The following KCNC1 variants were observed in gnomAD, a reference collection of about 807,000 sequenced individuals.
KCNC1 encodes potassium voltage-gated channel subfamily C member 1, also known as voltage-gated potassium channel KCNC1.
In KCNC1, 8 loss-of-function variants were observed where a neutral mutation model predicts 43.4. The observed-to-expected ratio is 0.18, with a 90% CI of 0.11 to 0.33. KCNC1 has a LOEUF of 0.33. Among genes scored for constraint, KCNC1 ranks in the 10% least tolerant of loss-of-function variants. KCNC1 has a pLI of 1.00. For synonymous variants in KCNC1, 361 were observed against 360.5 expected (o/e 1.00, Z -0.01); for missense variants, 420 against 836.0 (o/e 0.50, Z 6.14).
intron 1 of KCNC1, among the ~76,000 whole-genome samples, chr11:17,752,097 G>A (rs1045758882): frequency 6.6e-6 from 1 of 152,170 alleles, no homozygotes; most frequent in Non-Finnish European, 1.5e-5. Flanking sequence ...GAACTCCAAG[G>A]CTTTAGTTCT....
intron 1 of KCNC1, among the ~76,000 whole-genome samples, chr11:17,767,542 T>G (rs920540805): frequency 1.3e-5 from 2 of 152,178 alleles, no homozygotes; most frequent in African/African-American, 4.8e-5. Context: ...ACAAGGGACC[T>G]GGGGCTTCGT....
chr11:17,737,265 CCTT>C (rs1377810370), intron 1 of KCNC1, among the ~76,000 whole-genome samples: 2 of 152,092 alleles, frequency 1.3e-5, no homozygotes, highest in Non-Finnish European at 2.9e-5. Flanking sequence ...CACAGCCTGT[CCTT>C]CCTCCTTGTC....
rs1849326294 is a variant in KCNC1, at chr11:17,779,736, GGGCA to G, written c.1693+101_1693+104del. ...CAGGGCGGCGGGCAAGGGCGCTGAG[GGGCA>G]GGCAGGCACACCGAGGGGGGCAAGG... On this transcript the variant is annotated intron_variant, in intron 3 of 3. Transcript: ENST00000265969. The surrounding 1 kb of genome is among the most constrained non-coding windows in gnomAD (Gnocchi z 7.2). 8 of 1,077,320 alleles carry G rather than the reference GGGCA, an allele frequency of 7.4e-6. No homozygotes were observed. In the South Asian group the frequency reaches 1.3e-4, roughly 17 times the overall value. 66.7% of individuals were successfully genotyped at this position (1,077,320 alleles called of 1,614,324 possible). A position where few individuals can be genotyped will look rare whatever the true frequency, so the allele number is the denominator to read the frequency against.
intron 1 of KCNC1, among the ~76,000 whole-genome samples, chr11:17,770,060 T>C (rs1393126232): frequency 1.3e-5 from 2 of 152,246 alleles, no homozygotes; most frequent in African/African-American, 4.8e-5. Flanking sequence ...CCCAGATCCC[T>C]GCCAGGTTGA....
At chr11:17,758,016 G>T (rs571743802) in intron 1 of KCNC1, among the ~76,000 whole-genome samples, 6 of 152,240 alleles carry the variant, frequency 3.9e-5, no homozygotes, top group Non-Finnish European at 7.3e-5. Context: ...TCTGTAGCAT[G>T]TGATGCTGTT....
chr11:17,744,465 G>T (rs1483617420), intron 1 of KCNC1, among the ~76,000 whole-genome samples: 1 of 152,244 alleles, frequency 6.6e-6, no homozygotes, highest in Non-Finnish European at 1.5e-5. Flanking sequence ...AAGGCATAGT[G>T]ATCGCACCCC....
rs1025716849 is a variant in KCNC1 at position 17,735,315 on chromosome 11, G to C, written c.-688G>C. The C allele has an allele frequency of 6.6e-6, 1 of 150,576 alleles. No individual in the cohort carries two copies. The highest frequency in any genetic ancestry group is 2.4e-5 in the African/African-American group (1 of 41,350). The allele number at this position is 150,576 out of a possible 1,614,324, so 9.3% of individuals were successfully genotyped here. On this transcript the variant is annotated 5_prime_UTR_variant, in exon 1 of 4. Transcript: ENST00000265969. This position sits in a 1 kb window ranked among gnomAD's most constrained non-coding sequence, Gnocchi z 6.7. The stretch of plus-strand genomic sequence containing the variant: ...CGGGCGGGCAGGCGGGCCCGCCGCC[G>C]GGGGGAGCAGGCAGCCAAGCAAGGA...
intron 1 of KCNC1, among the ~76,000 whole-genome samples, chr11:17,759,849 A>G (rs1849058776): frequency 6.6e-6 from 1 of 152,264 alleles, no homozygotes; most frequent in South Asian, 2.1e-4. Flanking sequence ...TATTGCTAGA[A>G]TAACCAAAAT....
intron 1 of KCNC1, among the ~76,000 whole-genome samples, chr11:17,770,914 T>C (rs186737838): frequency 1.3e-5 from 2 of 152,336 alleles, no homozygotes; most frequent in East Asian, 3.9e-4. Context: ...GCCTGAATCC[T>C]CAAACAGTCT....
intron 1 of KCNC1, among the ~76,000 whole-genome samples, chr11:17,768,473 C>G (rs1849180121): frequency 6.6e-6 from 1 of 152,160 alleles, no homozygotes; most frequent in African/African-American, 2.4e-5. Flanking sequence ...TCTCTGTGGG[C>G]TGCATGGGCA....
Position 17,776,857 on chromosome 11 carries a change from G to A in KCNC1, c.1505-2599G>A. On this transcript the variant is annotated intron_variant, in intron 2 of 3. Transcript: ENST00000265969. This position sits in a 1 kb window ranked among gnomAD's most constrained non-coding sequence, Gnocchi z 4.4. The stretch of plus-strand genomic sequence containing the variant: ...CCCTCTGGAGTTGGGGAGGGAGAAT[G>A]CCCCAGTTTCTGAAAGCATCTTAAA... 2.0e-6 allele frequency: 2 copies of A among 985,466 alleles called. No individual in the cohort carries two copies. The highest frequency in any genetic ancestry group is 1.2e-6 in the Non-Finnish European group (1 of 830,032). 61.0% of individuals were successfully genotyped at this position (985,466 alleles called of 1,614,324 possible).
chr11:17,775,535 T>C, intron 2 of KCNC1: 1 of 985,442 alleles, frequency 1.0e-6, no homozygotes, highest in South Asian at 4.7e-5. Context: ...AGCCAGGGAT[T>C]GCCTAGGGCT....
rs976144717 is a variant in KCNC1 at position 17,776,398 on chromosome 11, G to A, written c.1505-3058G>A. 2.6e-5 allele frequency: 26 copies of A among 985,370 alleles called. No individual in the cohort carries two copies. The highest frequency in any genetic ancestry group is 1.0e-3 in the Middle Eastern group (2 of 1,914). 61.0% of individuals were successfully genotyped at this position (985,370 alleles called of 1,614,324 possible). A position where few individuals can be genotyped will look rare whatever the true frequency, so the allele number is the denominator to read the frequency against. Reference sequence around the variant, plus strand: ...GCAACCCCCAACCCACCCCAGCCCCGCGTGCGCCCCTCCGGTGCCCGCAGC... The same window carrying A: ...GCAACCCCCAACCCACCCCAGCCCCACGTGCGCCCCTCCGGTGCCCGCAGC... On this transcript the variant is annotated intron_variant, in intron 2 of 3. Transcript: ENST00000265969. This position sits in a 1 kb window ranked among gnomAD's most constrained non-coding sequence, Gnocchi z 4.4.
chr11:17,738,126 A>G (rs1311998175), intron 1 of KCNC1, among the ~76,000 whole-genome samples: 2 of 152,106 alleles, frequency 1.3e-5, no homozygotes, highest in Non-Finnish European at 2.9e-5. Flanking sequence ...ACCCTCCCCA[A>G]GGTCACCCAG....
intron 1 of KCNC1, among the ~76,000 whole-genome samples, chr11:17,744,432 A>C (rs1590092965): frequency 6.6e-6 from 1 of 152,168 alleles, no homozygotes; most frequent in East Asian, 1.9e-4. Context: ...AGCCTGCCTC[A>C]TCCTGTCCTC....
At chr11:17,768,894 G>A (rs1361422070) in intron 1 of KCNC1, among the ~76,000 whole-genome samples, 2 of 152,246 alleles carry the variant, frequency 1.3e-5, no homozygotes, top group Non-Finnish European at 2.9e-5. Flanking sequence ...CAGATACCCA[G>A]CAGACCAGGA....
In KCNC1 at chr11:17,771,613, C is replaced by T. The variant is rs1590106352; in HGVS notation, c.571-52C>T. 1 of 1,513,046 alleles carries T rather than the reference C, an allele frequency of 6.6e-7. No homozygotes were observed. The highest frequency in any genetic ancestry group is 9.0e-7 in the Non-Finnish European group (1 of 1,108,794). 93.7% of individuals were successfully genotyped at this position (1,513,046 alleles called of 1,614,324 possible). On this transcript the variant is annotated intron_variant, in intron 1 of 3. Coordinates refer to ENST00000265969, the MANE Select transcript of KCNC1 (RefSeq NM_001112741.2). The surrounding 1 kb of genome is among the most constrained non-coding windows in gnomAD (Gnocchi z 4.7). ...TGGGACTGGACAGAGGCAACCCAGG[C>T]TTCTCCACTCTGGGTGGGCCTCCCT...
In KCNC1 at chr11:17,772,150, G is replaced by T. The variant is rs377740466; in HGVS notation, c.1056G>T (p.Leu352=). The change falls in exon 2 of 4, where the codon CTG becomes CTT. Residue 352 remains leucine (L), a synonymous_variant. Coordinates refer to ENST00000265969, the MANE Select transcript of KCNC1 (RefSeq NM_001112741.2). ...AGTTCCTGCTGCTCATCATCTTCCTGGCCTTGGGCGTGCTGATCTTCGCCA... is the reference window on the plus strand; with the variant it reads ...AGTTCCTGCTGCTCATCATCTTCCTTGCCTTGGGCGTGCTGATCTTCGCCA... The part of the protein sequence containing the change: ...TNEFLLLIIF[L]ALGVLIFATM... The T allele has an allele frequency of 1.9e-6, 3 of 1,614,098 alleles. No homozygotes were observed. Among genetic ancestry groups the T allele is most frequent in the Non-Finnish European group, 2.5e-6 (3 of 1,180,012 alleles).
At chr11:17,769,903 G>A (rs976694507) in intron 1 of KCNC1, among the ~76,000 whole-genome samples, 4 of 152,242 alleles carry the variant, frequency 2.6e-5, no homozygotes, top group East Asian at 1.9e-4. Context: ...TCAGCTCCCC[G>A]TTCGTAGCAT....
Sources: allele counts gnomAD v4.1 joint callset (sites outside exome capture counted in the v4.1 genomes callset), GRCh38; gene constraint gnomAD v4.1.1; non-coding constraint Gnocchi (gnomAD v3.1); transcripts MANE v1.5; gene names NCBI Gene and HGNC (gene_info 2026-07-23, HGNC 2026-07-21).